The following ACAD10 variants were observed in gnomAD, a reference collection of about 807,000 sequenced individuals.
ACAD10 encodes acyl-CoA dehydrogenase family member 10.
Under a neutral mutation model 116.8 loss-of-function variants are expected in ACAD10, and 112 were observed. That is an observed-to-expected ratio of 0.96 (90% CI 0.82 to 1.12). The LOEUF (loss-of-function observed/expected upper bound fraction) is 1.12, where lower values mean the gene tolerates loss of function less well. Ranked by LOEUF, ACAD10 falls within the 50% of genes most tolerant of loss-of-function variation. The probability of loss-of-function intolerance (pLI) is 0.00; values close to 1 mark genes in which losing one functional copy is unlikely to be tolerated. For missense variants in ACAD10, 1,259 were observed against 1,350.2 expected (o/e 0.93, Z 1.06); for synonymous variants, 486 against 510.6 (o/e 0.95, Z 0.65).
rs555504483 is a variant in ACAD10 at position 111,751,559 on chromosome 12, C to T, written c.2818-2213C>T. 1.4e-4 allele frequency among the ~76,000 whole-genome samples: 21 copies of T among 151,416 alleles called. 1 individual carries two copies. The South Asian group carries it at 2.7e-3, about 20-fold the overall frequency. On this transcript the variant is annotated intron_variant, in intron 18 of 20. Coordinates refer to ENST00000313698, the MANE Select transcript of ACAD10 (RefSeq NM_025247.6). ...CAGCCTCGCCAACATGGTGATACCC[C>T]GTCTCTACTAAAAATACAGAAGTTA...
At chr12:111,724,181 G>A (rs984134404) in intron 8 of ACAD10, among the ~76,000 whole-genome samples, 3 of 149,314 alleles carry the variant, frequency 2.0e-5, no homozygotes, top group South Asian at 4.3e-4. Flanking sequence ...CATCTCAGAC[G>A]ATGGGTGGCC....
At chr12:111,686,679 G>A (rs1887867637) in intron 1 of ACAD10, among the ~76,000 whole-genome samples, 1 of 152,116 alleles carries the variant, frequency 6.6e-6, no homozygotes. Context: ...TAGTGCTAGT[G>A]CACTCCCGCC....
chr12:111,710,064 G>T (rs1888627743), intron 5 of ACAD10: 1 of 325,846 alleles, frequency 3.1e-6, no homozygotes, highest in Admixed American at 4.7e-5. Flanking sequence ...CCATGTGAGG[G>T]GGTCTCATGC....
In ACAD10 at chr12:111,723,693, C is replaced by A. The variant is rs868308760; in HGVS notation, c.1061+1954C>A. ...ACGGGGCGGGGGGCTGACCCCCCCCCCCACCTCCCTCCCGGACGGGGTGGC... is the reference window on the plus strand; with the variant it reads ...ACGGGGCGGGGGGCTGACCCCCCCCACCACCTCCCTCCCGGACGGGGTGGC... On this transcript the variant is annotated intron_variant, in intron 8 of 20. Transcript: ENST00000313698. 8.4e-3 allele frequency among the ~76,000 whole-genome samples: 1,260 copies of A among 149,420 alleles called. 36 individuals carry two copies. Among genetic ancestry groups the A allele is most frequent in the African/African-American group, 0.029 (1,186 of 40,612 alleles).
chr12:111,713,606 C>T lies in ACAD10; in HGVS notation c.850+949C>T, dbSNP rs535717280. The stretch of plus-strand genomic sequence containing the variant: ...TGCCACTGCACTCCAGCCTGGGTAA[C>T]AGAGTGAGACTCCATCTCAAAAAAA... On this transcript the variant is annotated intron_variant, in intron 6 of 20. Transcript: ENST00000313698. Among the ~76,000 whole-genome samples the T allele has an allele frequency of 1.2e-4, 17 of 139,476 alleles. No homozygotes were observed. In the Admixed American group the frequency reaches 1.3e-3, roughly 10 times the overall value. The allele number at this position is 139,476 out of a possible 152,430, so 91.5% of individuals were successfully genotyped here. A position where few individuals can be genotyped will look rare whatever the true frequency, so the allele number is the denominator to read the frequency against.
intron 5 of ACAD10, among the ~76,000 whole-genome samples, chr12:111,711,522 ATTTTTTTTTT>A (rs1176078999): frequency 9.3e-6 from 1 of 107,262 alleles, no homozygotes; most frequent in East Asian, 2.8e-4. Context: ...CTGTGCTAAA[ATTTTTTTTTT>A]TTTTTTTTTT....
chr12:111,706,031 A>C, intron 4 of ACAD10, 99 bp downstream of exon 4: 1 of 1,339,182 alleles, frequency 7.5e-7, no homozygotes, highest in Non-Finnish European at 1.0e-6. Context: ...TGAGTGAGGG[A>C]GTTTTTCCTT....
chr12:111,708,129 C>T (rs1483695127), intron 4 of ACAD10, among the ~76,000 whole-genome samples: 1 of 152,214 alleles, frequency 6.6e-6, no homozygotes, highest in Non-Finnish European at 1.5e-5. Flanking sequence ...TGGAAAAACA[C>T]TGACCTTGTT....
intron 12 of ACAD10, among the ~76,000 whole-genome samples, chr12:111,743,235 T>G (rs1196480213): frequency 6.6e-6 from 1 of 151,748 alleles, no homozygotes; most frequent in Non-Finnish European, 1.5e-5. Flanking sequence ...ACATGCTGAG[T>G]GACATATGTA....
At position 111,712,572 on chromosome 12, in the gene ACAD10, C is replaced by T; in HGVS notation, c.765C>T (p.Asn255=). ...TTACATTGAGAGTAGGTGTTCCAAA[C>T]ACTCGGCCTGTGAAAAAGACGATGG... ...LGFTLRVGVP[N]TRPVKKTMEI... Residue 255 remains asparagine (N), a synonymous_variant, in exon 6 of 21, where the codon AAC becomes AAT. Transcript: ENST00000313698. 6.2e-7 allele frequency: 1 copy of T among 1,614,086 alleles called. No homozygotes were observed. Among genetic ancestry groups the T allele is most frequent in the Non-Finnish European group, 8.5e-7 (1 of 1,179,984 alleles).
intron 8 of ACAD10, among the ~76,000 whole-genome samples, chr12:111,723,307 G>C (rs1184318228): frequency 7.2e-6 from 1 of 138,512 alleles, no homozygotes; most frequent in Non-Finnish European, 1.6e-5. Context: ...GGGGCGGCTG[G>C]CCGGGCGGGG....
At chr12:111,734,999 G>A (rs1402174883) in intron 11 of ACAD10, among the ~76,000 whole-genome samples, 1 of 152,140 alleles carries the variant, frequency 6.6e-6, no homozygotes, top group African/African-American at 2.4e-5. Flanking sequence ...CGAGACGGGT[G>A]GATCACGAGG....
intron 2 of ACAD10, among the ~76,000 whole-genome samples, chr12:111,700,789 G>A (rs1888328002): frequency 8.7e-6 from 1 of 115,224 alleles, no homozygotes; most frequent in Non-Finnish European, 1.6e-5. Flanking sequence ...ATGGGGTCTT[G>A]CTCTATGTCC....
chr12:111,713,348 G>A (rs1039082795), intron 6 of ACAD10, among the ~76,000 whole-genome samples: 7 of 151,230 alleles, frequency 4.6e-5, no homozygotes, highest in Admixed American at 4.0e-4. Context: ...TGCTGACCGG[G>A]GCGTAGTGGC....
At chr12:111,728,693 GTT>G (rs1434199192) in intron 9 of ACAD10, among the ~76,000 whole-genome samples, 2 of 151,794 alleles carry the variant, frequency 1.3e-5, no homozygotes, top group Non-Finnish European at 2.9e-5. Flanking sequence ...TAGTTTTTTT[GTT>G]TGTTTGTTTT....
Position 111,756,810 on chromosome 12 carries a change from G to A in ACAD10, c.*337G>A. ...TTTCAGTCCCTCTCTCTCTGCCTGT[G>A]GGAATCTGGACACATTTTGGGAGGC... On this transcript the variant is annotated 3_prime_UTR_variant, in exon 21 of 21. Coordinates refer to ENST00000313698, the MANE Select transcript of ACAD10 (RefSeq NM_025247.6). The A allele has an allele frequency of 4.1e-6, 2 of 486,302 alleles. No individual in the cohort carries two copies. Among genetic ancestry groups the A allele is most frequent in the Non-Finnish European group, 4.0e-6 (1 of 247,252 alleles). The allele number at this position is 486,302 out of a possible 1,614,324, so 30.1% of individuals were successfully genotyped here. A position where few individuals can be genotyped will look rare whatever the true frequency, so the allele number is the denominator to read the frequency against.
intron 8 of ACAD10, among the ~76,000 whole-genome samples, chr12:111,725,788 G>T (rs1211414811): frequency 6.6e-6 from 1 of 151,788 alleles, no homozygotes; most frequent in Non-Finnish European, 1.5e-5. Flanking sequence ...ATCCGCCTCG[G>T]CCTCCCAAAG....
chr12:111,712,588 A>C lies in ACAD10; in HGVS notation c.781A>C (p.Lys261Gln), dbSNP rs1272830562. Residue 261 changes from lysine (K) to glutamine (Q), a missense_variant, in exon 6 of 21, where the codon AAG becomes CAG. Coordinates refer to ENST00000313698, the MANE Select transcript of ACAD10 (RefSeq NM_025247.6). ...TGTTCCAAACACTCGGCCTGTGAAA[A>C]AGACGATGGAAATTCCGAAAGATTC... ...VGVPNTRPVK[K>Q]TMEIPKDSLQ... 6.2e-7 allele frequency: 1 copy of C among 1,614,122 alleles called. No individual in the cohort carries two copies. Among genetic ancestry groups the C allele is most frequent in the Non-Finnish European group, 8.5e-7 (1 of 1,180,016 alleles).
rs1412889412 is a variant in ACAD10 at position 111,707,229 on chromosome 12, C to G, written c.531+1297C>G. Reference sequence around the variant, plus strand: ...CTCAGCCTCCTAGTAGCTGAGACTACAGGTGCATGCCACCACGCCTGGCTA... The same window carrying G: ...CTCAGCCTCCTAGTAGCTGAGACTAGAGGTGCATGCCACCACGCCTGGCTA... On this transcript the variant is annotated intron_variant, in intron 4 of 20. Coordinates refer to ENST00000313698, the MANE Select transcript of ACAD10 (RefSeq NM_025247.6). Among the ~76,000 whole-genome samples, 3 of 151,990 alleles carry G rather than the reference C, an allele frequency of 2.0e-5. No homozygotes were observed. In the East Asian group the frequency reaches 5.8e-4, roughly 29 times the overall value.
Sources: gnomAD v4.1 joint callset for allele counts (sites outside exome capture counted in the v4.1 genomes callset) on GRCh38, gnomAD v4.1.1 for gene constraint, MANE v1.5 for transcripts, NCBI Gene and HGNC (gene_info 2026-07-23, HGNC 2026-07-21) for gene names.